SLC41A2: variants seen among roughly 807,000 people sequenced by gnomAD.
The protein encoded by SLC41A2 is SLC41A1-like 1.
In SLC41A2, 32 loss-of-function variants were observed where a neutral mutation model predicts 58.3. That is an observed-to-expected ratio of 0.55 (90% CI 0.41 to 0.74). SLC41A2 has a LOEUF of 0.74. Among genes scored for constraint, SLC41A2 ranks in the 30% least tolerant of loss-of-function variants. The pLI is 0.00. For synonymous variants in SLC41A2, 190 were observed against 235.0 expected, an observed-to-expected ratio of 0.81 and a Z score of 1.75; for missense variants, 514 against 680.6, an observed-to-expected ratio of 0.76 and a Z score of 2.72.
At chr12:104,931,161 T>G (rs1234076624) in intron 1 of SLC41A2, among the ~76,000 whole-genome samples, 8 of 152,254 alleles carry the variant, frequency 5.3e-5, no homozygotes, top group Non-Finnish European at 1.0e-4. Flanking sequence ...TGCATAACCT[T>G]ACACATCAGA....
intron 3 of SLC41A2, among the ~76,000 whole-genome samples, chr12:104,898,428 T>C (rs949634915): frequency 6.6e-6 from 1 of 151,894 alleles, no homozygotes; most frequent in Non-Finnish European, 1.5e-5. Context: ...TTTATAAATA[T>C]AGCCACTACA....
chr12:104,911,181 A>C (rs1366678078), intron 2 of SLC41A2, among the ~76,000 whole-genome samples: 1 of 152,172 alleles, frequency 6.6e-6, no homozygotes, highest in African/African-American at 2.4e-5. Context: ...TTCTGAACCA[A>C]ACCAATGTAT....
chr12:104,931,286 G>A (rs1259876134), intron 1 of SLC41A2, among the ~76,000 whole-genome samples: 2 of 152,120 alleles, frequency 1.3e-5, no homozygotes, highest in Non-Finnish European at 2.9e-5. Context: ...TTTAGCTAAT[G>A]GTATCTCCAT....
In SLC41A2 at chr12:104,802,388, C is replaced by T. The variant is rs903057982; in HGVS notation, c.*2764G>A. ...AGTCATTTTATCTGTTGCATACTTA[C>T]GTGAAGGCTTTCAAAAGGTCAGTAA... On this transcript the variant is annotated 3_prime_UTR_variant, in exon 11 of 11. Coordinates refer to ENST00000258538, the MANE Select transcript of SLC41A2 (RefSeq NM_001352171.3). 6.6e-6 allele frequency among the ~76,000 whole-genome samples: 1 copy of T among 152,162 alleles called. No individual in the cohort carries two copies. Among genetic ancestry groups the T allele is most frequent in the Non-Finnish European group, 1.5e-5 (1 of 68,022 alleles).
At chr12:104,841,477 T>C (rs769000341) in intron 10 of SLC41A2, among the ~76,000 whole-genome samples, 2 of 151,906 alleles carry the variant, frequency 1.3e-5, no homozygotes, top group African/African-American at 2.4e-5. Flanking sequence ...GTGCTGGAGA[T>C]ACAAAAAATG....
chr12:104,915,298 C>G (rs1239751924), intron 2 of SLC41A2, among the ~76,000 whole-genome samples: 4 of 152,108 alleles, frequency 2.6e-5, no homozygotes, highest in African/African-American at 7.2e-5. Flanking sequence ...TACTCCAAAT[C>G]CTTATATATG....
At chr12:104,806,191 T>G (rs926004813) in intron 10 of SLC41A2, among the ~76,000 whole-genome samples, 1 of 152,174 alleles carries the variant, frequency 6.6e-6, no homozygotes, top group African/African-American at 2.4e-5. Flanking sequence ...ATTAGGTTTA[T>G]CTCCTAATGC....
intron 10 of SLC41A2, among the ~76,000 whole-genome samples, chr12:104,825,987 C>G (rs894559551): frequency 6.6e-6 from 1 of 152,176 alleles, no homozygotes; most frequent in African/African-American, 2.4e-5. Context: ...CCAGCACCTG[C>G]CAAGGTCACC....
intron 1 of SLC41A2, among the ~76,000 whole-genome samples, chr12:104,932,652 A>T (rs564875656): frequency 6.7e-6 from 1 of 149,706 alleles, no homozygotes; most frequent in Non-Finnish European, 1.5e-5. Flanking sequence ...AAAAAGATAT[A>T]GTAACCAAAA....
Position 104,897,442 on chromosome 12 carries a change from G to C in SLC41A2, c.664-2097C>G, listed in dbSNP as rs184317253. On this transcript the variant is annotated intron_variant, in intron 3 of 10. Coordinates refer to ENST00000258538, the MANE Select transcript of SLC41A2 (RefSeq NM_001352171.3). The stretch of plus-strand genomic sequence containing the variant: ...TTATAGGAGTGAGCCACCACACCCA[G>C]TGTCACTTTTCAATTAATCAGTTTC... Among the ~76,000 whole-genome samples the C allele has an allele frequency of 1.6e-3, 240 of 151,830 alleles. No individual in the cohort carries two copies. In the Middle Eastern group the frequency reaches 0.017, roughly 11 times the overall value.
chr12:104,844,646 T>C, intron 9 of SLC41A2, 26 bp from the exon 10 acceptor site: 1 of 1,339,316 alleles, frequency 7.5e-7, no homozygotes, highest in Non-Finnish European at 9.9e-7. Flanking sequence ...TAAAAGTAAT[T>C]AAAACAAAAT....
chr12:104,925,356 A>G (rs908138283), intron 2 of SLC41A2, among the ~76,000 whole-genome samples: 2 of 152,078 alleles, frequency 1.3e-5, no homozygotes, highest in African/African-American at 2.4e-5. Context: ...CAGGAAATTG[A>G]GACCATCCTG....
intron 2 of SLC41A2, among the ~76,000 whole-genome samples, chr12:104,916,561 T>C (rs1395053621): frequency 6.6e-6 from 1 of 152,122 alleles, no homozygotes; most frequent in East Asian, 1.9e-4. Flanking sequence ...TCACGCTACC[T>C]GACTTCAAAC....
chr12:104,842,402 A>G (rs905694117), intron 10 of SLC41A2, among the ~76,000 whole-genome samples: 4 of 152,114 alleles, frequency 2.6e-5, no homozygotes, highest in Admixed American at 2.6e-4. Flanking sequence ...CAAAGCCCAT[A>G]AAAATTAAAG....
upstream of SLC41A2, chr12:104,958,426 G>C (rs2048259476): frequency 6.6e-6 from 1 of 151,198 alleles, no homozygotes. Context: ...CGGCGACCCG[G>C]AGCGACAGCA....
chr12:104,941,246 C>G (rs909717150), intron 1 of SLC41A2, among the ~76,000 whole-genome samples: 8 of 152,122 alleles, frequency 5.3e-5, no homozygotes, highest in African/African-American at 1.7e-4. Context: ...CTAGCTGATT[C>G]CATAAAACAA....
intron 6 of SLC41A2, among the ~76,000 whole-genome samples, chr12:104,876,858 C>A (rs2044071953): frequency 6.6e-6 from 1 of 152,130 alleles, no homozygotes; most frequent in African/African-American, 2.4e-5. Flanking sequence ...GATGATCTCT[C>A]CAGTGTTGAA....
intron 6 of SLC41A2, among the ~76,000 whole-genome samples, chr12:104,879,477 G>A (rs1475504635): frequency 1.3e-5 from 2 of 152,154 alleles, no homozygotes; most frequent in East Asian, 1.9e-4. Flanking sequence ...TTTGTATAAG[G>A]TGTAAGGAAG....
In SLC41A2 at chr12:104,813,977, A is replaced by T. The variant is rs577552401; in HGVS notation, c.1537-8640T>A. Among the ~76,000 whole-genome samples, 93 of 152,346 alleles carry T rather than the reference A, an allele frequency of 6.1e-4. 1 individual carries two copies. Among genetic ancestry groups the T allele is most frequent in the South Asian group, 2.1e-3 (10 of 4,830 alleles). The stretch of plus-strand genomic sequence containing the variant: ...AAATTGAAATAGAATAGAATGGACT[A>T]GAATAGAAAGTAGCATGTGTAACAC... On this transcript the variant is annotated intron_variant, in intron 10 of 10. Transcript: ENST00000258538.
Sources: gnomAD v4.1 joint callset for allele counts (sites outside exome capture counted in the v4.1 genomes callset) on GRCh38, gnomAD v4.1.1 for gene constraint, MANE v1.5 for transcripts, NCBI Gene and HGNC (gene_info 2026-07-23, HGNC 2026-07-21) for gene names.